The following NECTIN1 variants were observed in gnomAD, a reference collection of about 807,000 sequenced individuals.
NECTIN1 encodes nectin cell adhesion molecule 1.
A neutral mutation model predicts 48.0 loss-of-function variants in NECTIN1; 23 were observed. The ratio of observed to expected loss-of-function variants is 0.48; its 90% CI spans 0.34 to 0.68. The LOEUF is 0.68. Among genes scored for constraint, NECTIN1 ranks in the 30% least tolerant of loss-of-function variants. NECTIN1 has a pLI of 0.01. For synonymous variants in NECTIN1, 270 were observed against 288.9 expected, an observed-to-expected ratio of 0.93 and a Z score of 0.66; for missense variants, 591 against 709.9, an observed-to-expected ratio of 0.83 and a Z score of 1.90.
chr11:119,699,772 G>A (rs150405076), intron 1 of NECTIN1, among the ~76,000 whole-genome samples: 2,094 of 152,290 alleles, frequency 0.014, 20 homozygotes, highest in Middle Eastern at 0.065. Context: ...AGTGGCATTC[G>A]GGGTTGCCAA....
intron 4 of NECTIN1, chr11:119,676,754 C>T: frequency 2.7e-6 from 1 of 366,364 alleles, no homozygotes. Context: ...CCTGGGGACA[C>T]CTTGATAAAA....
Position 119,678,846 on chromosome 11 carries a change from G to T in NECTIN1, c.80-81C>A. 2 of 898,550 alleles carry T rather than the reference G, an allele frequency of 2.2e-6. No homozygotes were observed. Among genetic ancestry groups the T allele is most frequent in the Non-Finnish European group, 3.6e-6 (2 of 554,348 alleles). The allele number at this position is 898,550 out of a possible 1,614,324, so 55.7% of individuals were successfully genotyped here. On this transcript the variant is annotated intron_variant, in intron 1 of 5. Transcript: ENST00000264025. The surrounding 1 kb of genome is among the most constrained non-coding windows in gnomAD (Gnocchi z 4.4). ...ACACAGTTCCCTGTGCTCTGGCCTT[G>T]TCTTTTATAGCAGTCATTATTGTTT...
At chr11:119,639,697 G>T in intron 6 of NECTIN1, 1 of 832,736 alleles carries the variant, frequency 1.2e-6, no homozygotes, top group Non-Finnish European at 1.9e-6. Context: ...TCACCACTCA[G>T]GAGGGTCAGC....
intron 5 of NECTIN1, among the ~76,000 whole-genome samples, chr11:119,666,175 TGTC>T (rs1261651613): frequency 1.3e-5 from 2 of 152,158 alleles, no homozygotes; most frequent in Non-Finnish European, 2.9e-5. Flanking sequence ...TGCGTGGCAA[TGTC>T]GAGTACACAC....
chr11:119,663,551 G>A lies in NECTIN1; in HGVS notation c.*1196C>T. ...GGCCTTTGTGTGTGAGGCATTGTAT[G>A]GACTCCTCAGTCCCTCGGACTGTGT... On this transcript the variant is annotated 3_prime_UTR_variant, in exon 6 of 6. Coordinates refer to ENST00000264025, the MANE Select transcript of NECTIN1 (RefSeq NM_002855.5). 1 of 985,526 alleles carries A rather than the reference G, an allele frequency of 1.0e-6. No homozygotes were observed. The highest frequency in any genetic ancestry group is 1.7e-5 in the African/African-American group (1 of 57,362). The allele number at this position is 985,526 out of a possible 1,614,324, so 61.0% of individuals were successfully genotyped here.
In NECTIN1 at chr11:119,661,811, T is replaced by C; in HGVS notation, c.*2936A>G. On this transcript the variant is annotated 3_prime_UTR_variant, in exon 6 of 6. Coordinates refer to ENST00000264025, the MANE Select transcript of NECTIN1 (RefSeq NM_002855.5). The stretch of plus-strand genomic sequence containing the variant: ...TTCCCTCTGCCACATCTGTGCTGAG[T>C]GGCCATCTGGCTGTGCATGCATGCG... The C allele has an allele frequency of 1.0e-6, 1 of 985,422 alleles. No homozygotes were observed. Among genetic ancestry groups the C allele is most frequent in the East Asian group, 1.1e-4 (1 of 8,786 alleles). The allele number at this position is 985,422 out of a possible 1,614,324, so 61.0% of individuals were successfully genotyped here.
chr11:119,678,335 C>A lies in NECTIN1; in HGVS notation c.430+80G>T. 1 of 1,303,820 alleles carries A rather than the reference C, an allele frequency of 7.7e-7. No homozygotes were observed. The highest frequency in any genetic ancestry group is 1.1e-6 in the Non-Finnish European group (1 of 901,992). The allele number at this position is 1,303,820 out of a possible 1,614,324, so 80.8% of individuals were successfully genotyped here. ...CCCACCCAAGGGGGATGTCTGGGGTCATTGAGGCATCCTGAGGATGGCCAC... is the reference window on the plus strand; with the variant it reads ...CCCACCCAAGGGGGATGTCTGGGGTAATTGAGGCATCCTGAGGATGGCCAC... On this transcript the variant is annotated intron_variant, in intron 2 of 5. Transcript: ENST00000264025. This position sits in a 1 kb window ranked among gnomAD's most constrained non-coding sequence, Gnocchi z 4.4.
At chr11:119,648,258 GGTA>G in intron 5 of NECTIN1, among the ~76,000 whole-genome samples, 1 of 72,506 alleles carries the variant, frequency 1.4e-5, no homozygotes, top group East Asian at 4.0e-4. Flanking sequence ...TGATAGAGGT[GGTA>G]ATAGTGGTGG....
At chr11:119,638,894 C>G in intron 6 of NECTIN1, 1 of 1,219,544 alleles carries the variant, frequency 8.2e-7, no homozygotes, top group Non-Finnish European at 1.2e-6. Flanking sequence ...GGTCCCTGAG[C>G]CCCACTCACA....
downstream of NECTIN1, among the ~76,000 whole-genome samples, chr11:119,657,803 A>ATAGCCTACT (rs1165190321): frequency 6.8e-6 from 1 of 148,016 alleles, no homozygotes; most frequent in African/African-American, 2.5e-5. Context: ...GCAGGTACCC[A>ATAGCCTACT]TAGCCTACTT....
Position 119,716,852 on chromosome 11 carries a change from G to GCGCGCGCA in NECTIN1, c.79+11615_79+11622dup, listed in dbSNP as rs573154293. On this transcript the variant is annotated intron_variant, in intron 1 of 5. Coordinates refer to ENST00000264025, the MANE Select transcript of NECTIN1 (RefSeq NM_002855.5). ...TAATCAGAAGCAGGCGCGTGCACAC[G>GCGCGCGCA]CGCGCGCACGCACGCACGCACACAC... Among the ~76,000 whole-genome samples, 10 of 152,312 alleles carry GCGCGCGCA rather than the reference G, an allele frequency of 6.6e-5. No homozygotes were observed. The South Asian group carries it at 2.1e-3, about 32-fold the overall frequency.
rs544643720 is a variant in NECTIN1 at position 119,715,603 on chromosome 11, G to A, written c.79+12872C>T. On this transcript the variant is annotated intron_variant, in intron 1 of 5. Coordinates refer to ENST00000264025, the MANE Select transcript of NECTIN1 (RefSeq NM_002855.5). Reference sequence around the variant, plus strand: ...ACTCCTGACCTCAGGTTATCTACCCGCCTCGGCCTCCCAAAGTGCTAGGAC... The same window carrying A: ...ACTCCTGACCTCAGGTTATCTACCCACCTCGGCCTCCCAAAGTGCTAGGAC... Among the ~76,000 whole-genome samples the A allele has an allele frequency of 3.3e-5, 5 of 152,224 alleles. No homozygotes were observed. The East Asian group carries it at 7.7e-4, about 24-fold the overall frequency.
chr11:119,681,293 A>G (rs1330815687), intron 1 of NECTIN1, among the ~76,000 whole-genome samples: 3 of 152,244 alleles, frequency 2.0e-5, no homozygotes, highest in Non-Finnish European at 2.9e-5. Context: ...GGAACAGGAA[A>G]AGCCAGTTGG....
rs73575003 is a variant in NECTIN1 at position 119,688,079 on chromosome 11, G to C, written c.80-9314C>G. Among the ~76,000 whole-genome samples, 1,070 of 152,294 alleles carry C rather than the reference G, an allele frequency of 7.0e-3. 11 individuals carry two copies. The highest frequency in any genetic ancestry group is 0.024 in the African/African-American group (1,012 of 41,554). On this transcript the variant is annotated intron_variant, in intron 1 of 5. Coordinates refer to ENST00000264025, the MANE Select transcript of NECTIN1 (RefSeq NM_002855.5). ...TGAGCGCTGACTTTGAATTCAGATA[G>C]ACCTGGGTTTGTGTCTGCTGCTTTT...
At chr11:119,648,409 ATGG>A (rs1470207095) in intron 5 of NECTIN1, among the ~76,000 whole-genome samples, 46 of 2,650 alleles carry the variant, frequency 0.017, 3 homozygotes, top group Middle Eastern at 0.17. Context: ...GGTGATGGTG[ATGG>A]TGGTGGTGAT....
intron 1 of NECTIN1, among the ~76,000 whole-genome samples, chr11:119,696,048 G>A (rs1019446378): frequency 2.6e-5 from 4 of 152,208 alleles, no homozygotes; most frequent in Admixed American, 2.6e-4. Flanking sequence ...TGAGGAAGAG[G>A]CAACAAGGCA....
At chr11:119,648,361 C>CTGGTGG (rs1864439936) in intron 5 of NECTIN1, among the ~76,000 whole-genome samples, 3 of 1,324 alleles carry the variant, frequency 2.3e-3, no homozygotes, top group Non-Finnish European at 4.0e-3. Flanking sequence ...GGTGGTGATG[C>CTGGTGG]TGGTGATGGT....
At chr11:119,728,048 C>T (rs867948670) in intron 1 of NECTIN1, among the ~76,000 whole-genome samples, 2 of 152,332 alleles carry the variant, frequency 1.3e-5, no homozygotes, top group South Asian at 4.1e-4. Flanking sequence ...CGCCATACTC[C>T]AAACCCGCAG....
intron 1 of NECTIN1, among the ~76,000 whole-genome samples, chr11:119,708,551 G>A (rs1865585501): frequency 6.7e-6 from 1 of 148,478 alleles, no homozygotes; most frequent in African/African-American, 2.5e-5. Flanking sequence ...CCATTTATAC[G>A]AAATGTCCAG....
Sources: gnomAD v4.1 joint callset for allele counts (sites outside exome capture counted in the v4.1 genomes callset) on GRCh38, gnomAD v4.1.1 for gene constraint, Gnocchi (gnomAD v3.1) non-coding constraint, MANE v1.5 for transcripts, NCBI Gene and HGNC (gene_info 2026-07-23, HGNC 2026-07-21) for gene names.